The following FAAH2 variants were observed in gnomAD, a reference collection of about 807,000 sequenced individuals.
The protein encoded by FAAH2 is fatty acid amide hydrolase 2.
A neutral mutation model predicts 36.9 loss-of-function variants in FAAH2; 60 were observed. The observed-to-expected ratio is 1.63, with a 90% CI of 1.32 to 2.02. The LOEUF is 2.02. Among genes scored for constraint, FAAH2 ranks in the 30% most tolerant of loss-of-function variants. FAAH2 has a pLI of 0.00. For synonymous variants in FAAH2, 214 were observed against 143.8 expected (o/e 1.49, Z -3.49); for missense variants, 689 against 397.5 (o/e 1.73, Z -6.23).
At chrX:57,357,591 A>G (rs2054190039) in intron 5 of FAAH2, among the ~76,000 whole-genome samples, 1 of 112,249 alleles carries the variant, frequency 8.9e-6, no homozygotes, top group South Asian at 3.7e-4. Flanking sequence ...AAAAAAGCTC[A>G]TCATCACTGG....
intron 5 of FAAH2, among the ~76,000 whole-genome samples, chrX:57,342,644 C>A (rs901032891): frequency 9.0e-6 from 1 of 110,889 alleles, no homozygotes; most frequent in African/African-American, 3.3e-5. Flanking sequence ...ATTCTACGTT[C>A]AGGGGGCACA....
chrX:57,168,825 G>A, the FAAH2 span, among the ~76,000 whole-genome samples: 2 of 111,998 alleles, frequency 1.8e-5, no homozygotes, highest in Non-Finnish European at 3.8e-5. Context: ...TTTTAAATTT[G>A]TAAATACTAA....
chrX:57,157,107 C>A, the FAAH2 span, among the ~76,000 whole-genome samples: 1 of 111,702 alleles, frequency 9.0e-6, no homozygotes, highest in African/African-American at 3.3e-5. Flanking sequence ...TGTGGCTGAG[C>A]TGATACCCAG....
At chrX:57,475,268 C>G (rs1189983521) in intron 10 of FAAH2, among the ~76,000 whole-genome samples, 1 of 111,336 alleles carries the variant, frequency 9.0e-6, no homozygotes, top group African/African-American at 3.3e-5. Context: ...AAGTATTTGC[C>G]CATGCCTATG....
At chrX:57,433,695 C>T (rs2056350802) in intron 8 of FAAH2, among the ~76,000 whole-genome samples, 1 of 112,164 alleles carries the variant, frequency 8.9e-6, no homozygotes, top group African/African-American at 3.2e-5. Flanking sequence ...ATTGTGCTAT[C>T]AAACACTAGA....
the FAAH2 span, among the ~76,000 whole-genome samples, chrX:57,185,955 C>T: frequency 9.0e-6 from 1 of 111,668 alleles, no homozygotes; most frequent in Non-Finnish European, 1.9e-5. Context: ...TTTCCTTTAT[C>T]TAGTCTATCA....
intron 10 of FAAH2, among the ~76,000 whole-genome samples, chrX:57,466,156 C>CTCTCTCTCTCTATATATATATA (rs1287266105): frequency 1.5e-5 from 1 of 66,417 alleles, no homozygotes; most frequent in South Asian, 1.1e-3. Context: ...CTCTCTCTCT[C>CTCTCTCTCTCTATATATATATA]TATATATATA....
At chrX:57,121,907 C>A in the FAAH2 span, 1 of 103,262 alleles carries the variant, frequency 9.7e-6, no homozygotes, top group Admixed American at 1.0e-4. Context: ...ATTCTTTACA[C>A]GTAAATATGT....
intron 10 of FAAH2, among the ~76,000 whole-genome samples, chrX:57,459,391 T>A (rs1602734288): frequency 8.9e-6 from 1 of 112,328 alleles, no homozygotes; most frequent in South Asian, 3.7e-4. Flanking sequence ...AAAGGGTGGC[T>A]GTGGGCACAG....
chrX:57,188,410 C>A, the FAAH2 span, among the ~76,000 whole-genome samples: 1 of 110,576 alleles, frequency 9.0e-6, no homozygotes, highest in African/African-American at 3.3e-5. Context: ...GGTGTGATGT[C>A]CCCTTTATTA....
At chrX:57,245,716 C>T in the FAAH2 span, among the ~76,000 whole-genome samples, 1 of 112,481 alleles carries the variant, frequency 8.9e-6, no homozygotes, top group Non-Finnish European at 1.9e-5. Flanking sequence ...CTGTGGGACA[C>T]AGCTACAGCC....
intron 8 of FAAH2, among the ~76,000 whole-genome samples, chrX:57,435,764 C>T (rs1368301885): frequency 9.0e-6 from 1 of 110,842 alleles, no homozygotes; most frequent in African/African-American, 3.3e-5. Context: ...TTCAACTGCG[C>T]ACTCACAGCA....
intron 10 of FAAH2, among the ~76,000 whole-genome samples, chrX:57,485,373 G>C (rs1228350544): frequency 9.0e-6 from 1 of 111,221 alleles, no homozygotes; most frequent in East Asian, 2.9e-4. Context: ...GCAGGGGCAG[G>C]GGAAGGTGCA....
At chrX:57,241,678 T>C in the FAAH2 span, among the ~76,000 whole-genome samples, 3 of 111,769 alleles carry the variant, frequency 2.7e-5, no homozygotes, top group African/African-American at 9.8e-5. Flanking sequence ...TAGGTAGTCT[T>C]TTATTCATCA....
chrX:57,138,634 C>T, the FAAH2 span, among the ~76,000 whole-genome samples: 1 of 111,028 alleles, frequency 9.0e-6, no homozygotes, highest in South Asian at 3.8e-4. Flanking sequence ...GGAGGAACTA[C>T]CACGCTGTTT....
chrX:57,431,745 G>A (rs1196647102), intron 7 of FAAH2, among the ~76,000 whole-genome samples, 173 bp from the exon 8 acceptor site: 2 of 94,447 alleles, frequency 2.1e-5, no homozygotes, highest in Non-Finnish European at 4.3e-5. Flanking sequence ...ATATTTTGGG[G>A]TGTTTTGTTT....
intron 7 of FAAH2, among the ~76,000 whole-genome samples, chrX:57,384,867 C>T (rs1258774360): frequency 9.0e-6 from 1 of 111,042 alleles, no homozygotes; most frequent in African/African-American, 3.3e-5. Flanking sequence ...ATAGCAAAGA[C>T]TTGGAACCAA....
intron 5 of FAAH2, among the ~76,000 whole-genome samples, chrX:57,360,038 G>T (rs1476454349): frequency 5.6e-5 from 6 of 107,419 alleles, no homozygotes; most frequent in Non-Finnish European, 1.9e-5. Flanking sequence ...GGTTTCTGCT[G>T]GGAAATATGG....
In FAAH2 at chrX:57,489,043, A is replaced by C. The variant is rs1212697592; in HGVS notation, c.*111A>C. 1 of 757,535 alleles carries C rather than the reference A, an allele frequency of 1.3e-6. No homozygotes were observed. Among genetic ancestry groups the C allele is most frequent in the Non-Finnish European group, 1.8e-6 (1 of 542,325 alleles). The allele number at this position is 757,535 out of a possible 1,213,427, so 62.4% of individuals were successfully genotyped here. A position where few individuals can be genotyped will look rare whatever the true frequency, so the allele number is the denominator to read the frequency against. ...AGACAAGCAGAGAAACAACTGGGGA[A>C]TTTATTGACTCATTTAGTTATTCTT... On this transcript the variant is annotated 3_prime_UTR_variant, in exon 11 of 11. Coordinates refer to ENST00000374900, the MANE Select transcript of FAAH2 (RefSeq NM_174912.4).
Sources: gnomAD v4.1 joint callset for allele counts (sites outside exome capture counted in the v4.1 genomes callset) on GRCh38, gnomAD v4.1.1 for gene constraint, MANE v1.5 for transcripts, NCBI Gene and HGNC (gene_info 2026-07-23, HGNC 2026-07-21) for gene names.